Variants in EI24 observed in about 807,000 individuals in gnomAD.
The protein encoded by EI24 is EI24 autophagy associated transmembrane protein.
Under a neutral mutation model 48.6 loss-of-function variants are expected in EI24, and 21 were observed. The observed-to-expected ratio is 0.43, with a 90% CI of 0.31 to 0.62. The LOEUF is 0.62. Among genes scored for constraint, EI24 ranks in the 20% least tolerant of loss-of-function variants. EI24 has a pLI of 0.10. For missense variants in EI24, 280 were observed against 410.5 expected (o/e 0.68, Z 2.75); for synonymous variants, 114 against 145.5 (o/e 0.78, Z 1.56).
At chr11:125,575,124 G>GA (rs1195718990) in intron 2 of EI24, 139 bp from the exon 3 acceptor site, 4 of 664,490 alleles carry the variant, frequency 6.0e-6, no homozygotes, top group Non-Finnish European at 6.9e-6. Flanking sequence ...CTCTTTGGGA[G>GA]GCTGAGGCAG....
At chr11:125,582,510 ATTCTTACTGTAGG>A in intron 10 of EI24, 90 bp downstream of exon 10, 1 of 997,994 alleles carries the variant, frequency 1.0e-6, no homozygotes, top group Non-Finnish European at 1.4e-6. Context: ...AAAAAAAAAA[ATTCTTACTGTAGG>A]AAAATCTTAA....
Position 125,578,207 on chromosome 11 carries a change from G to T in EI24, c.391G>T (p.Val131Leu). 6.2e-7 allele frequency: 1 copy of T among 1,613,916 alleles called. No individual in the cohort carries two copies. The highest frequency in any genetic ancestry group is 1.1e-5 in the South Asian group (1 of 91,082). ...CACGTCAATTTTCAGTGCTCTTTGG[G>T]TGCTCCCCTTGTTTGTGCTTAGCAA... is the stretch of plus-strand genomic sequence containing the variant. ...FLTSIFSALW[V>L]LPLFVLSKVV... Residue 131 changes from valine to leucine, a missense_variant, in exon 6 of 11, where the codon GTG becomes TTG. Coordinates refer to ENST00000278903, the MANE Select transcript of EI24 (RefSeq NM_004879.5).
chr11:125,578,810 C>A, intron 6 of EI24, 139 bp from the exon 7 acceptor site: 1 of 1,035,092 alleles, frequency 9.7e-7, no homozygotes, highest in Non-Finnish European at 1.4e-6. Flanking sequence ...GGACTATAGG[C>A]ACATGCCATC....
chr11:125,575,328 G>C lies in EI24; in HGVS notation c.108G>C (p.Lys36Asn), dbSNP rs1290620281. 1.9e-6 allele frequency: 3 copies of C among 1,572,082 alleles called. No individual in the cohort carries two copies. Among genetic ancestry groups the C allele is most frequent in the East Asian group, 2.3e-5 (1 of 42,604 alleles). The change falls in exon 3 of 11, where the codon AAG becomes AAC. Residue 36 changes from lysine to asparagine, a missense_variant. Around this residue, in one of 3 missense-constraint regions of EI24, gnomAD observed 204 missense variants for 294.1 expected, o/e 0.69. Transcript: ENST00000278903. ...AGCTAGATGCTCGAATCCAGCAAAA[G>C]AGAGAGGAGCAGCGTCGAAGAAGGG... ...ISKLDARIQQ[K>N]REEQRRRRAS...
At chr11:125,576,045 C>A in intron 3 of EI24, 1 of 558,632 alleles carries the variant, frequency 1.8e-6, no homozygotes, top group South Asian at 2.1e-5. Context: ...CTACCACGGC[C>A]TCCCAAAGTG....
chr11:125,573,068 A>G (rs1424414714), intron 2 of EI24, among the ~76,000 whole-genome samples: 1 of 151,932 alleles, frequency 6.6e-6, no homozygotes, highest in Non-Finnish European at 1.5e-5. Flanking sequence ...TCATTTATTT[A>G]AAAATTTTTC....
chr11:125,582,253 G>A (rs1802897920), intron 9 of EI24, 93 bp from the exon 10 acceptor site: 4 of 1,184,020 alleles, frequency 3.4e-6, no homozygotes, highest in Non-Finnish European at 3.5e-6. Flanking sequence ...TGTTTACACT[G>A]GAAGCAAAAG....
intron 2 of EI24, 27 bp from the exon 3 acceptor site, chr11:125,575,236 T>A: frequency 6.6e-7 from 1 of 1,513,844 alleles, no homozygotes; most frequent in Non-Finnish European, 8.9e-7. Flanking sequence ...CAAATAATAA[T>A]AATAATAATG....
chr11:125,584,229 C>CAGAA lies in EI24; in HGVS notation c.*547_*548insGAAA, dbSNP rs1939134395. On this transcript the variant is annotated 3_prime_UTR_variant, in exon 11 of 11. Transcript: ENST00000278903. Reference sequence around the variant, plus strand: ...GGTTTTGGTCTCTCTTGCTCCACTGCAAAAAAAAAAAAAAAAAAAAAAAAA... The same window carrying CAGAA: ...GGTTTTGGTCTCTCTTGCTCCACTGCAGAAAAAAAAAAAAAAAAAAAAAAAAAAA... The CAGAA allele has an allele frequency of 2.0e-5, 1 of 49,658 alleles. No homozygotes were observed. Among genetic ancestry groups the CAGAA allele is most frequent in the African/African-American group, 9.7e-5 (1 of 10,310 alleles). The allele number at this position is 49,658 out of a possible 1,614,324, so 3.1% of individuals were successfully genotyped here.
At position 125,578,817 on chromosome 11, in the gene EI24, C is replaced by G. The variant is rs1938865134; in HGVS notation, c.442-132C>G. 9.2e-6 allele frequency: 10 copies of G among 1,081,920 alleles called. No individual in the cohort carries two copies. In the South Asian group the frequency reaches 1.6e-4, roughly 18 times the overall value. 67.0% of individuals were successfully genotyped at this position (1,081,920 alleles called of 1,614,324 possible). A position where few individuals can be genotyped will look rare whatever the true frequency, so the allele number is the denominator to read the frequency against. Reference sequence around the variant, plus strand: ...AGTAGCTGGGACTATAGGCACATGCCATCGTGCCCAGCTTATTTTTAAATA... The same window carrying G: ...AGTAGCTGGGACTATAGGCACATGCGATCGTGCCCAGCTTATTTTTAAATA... On this transcript the variant is annotated intron_variant, in intron 6 of 10. Coordinates refer to ENST00000278903, the MANE Select transcript of EI24 (RefSeq NM_004879.5).
intron 5 of EI24, 82 bp from the exon 6 acceptor site, chr11:125,578,051 A>G (rs1938820673): frequency 6.5e-7 from 1 of 1,536,316 alleles, no homozygotes. Flanking sequence ...GAGACAGAGA[A>G]TAGTCACGAG....
intron 5 of EI24, 53 bp downstream of exon 5, chr11:125,577,623 T>C: frequency 7.0e-7 from 1 of 1,431,688 alleles, no homozygotes; most frequent in South Asian, 1.2e-5. Context: ...GAGATGATGT[T>C]TCAGTCTCCC....
intron 2 of EI24, among the ~76,000 whole-genome samples, chr11:125,574,559 G>A (rs568558380): frequency 2.8e-4 from 43 of 152,270 alleles, no homozygotes; most frequent in Non-Finnish European, 5.6e-4. Context: ...TCTAAAATTC[G>A]TTTTGTCTGA....
At chr11:125,582,956 A>T (rs1939073688) in intron 10 of EI24, among the ~76,000 whole-genome samples, 1 of 152,242 alleles carries the variant, frequency 6.6e-6, no homozygotes, top group African/African-American at 2.4e-5. Flanking sequence ...ACCTTCAGAC[A>T]TAGCTTGAAG....
chr11:125,578,134 T>G lies in EI24; in HGVS notation c.318T>G (p.Gly106=). The change falls in exon 6 of 11, where the codon GGT becomes GGG. Residue 106 remains glycine (G), a splice_region_variant and synonymous_variant. Transcript: ENST00000278903. Reference sequence around the variant, plus strand: ...AGTAACTCGTTTCCTCTTTCTTAGGTGACCCATCACTACATGGAGATGTTT... The same window carrying G: ...AGTAACTCGTTTCCTCTTTCTTAGGGGACCCATCACTACATGGAGATGTTT... ...VLQSVTARII[G]DPSLHGDVWS... 2 of 1,613,102 alleles carry G rather than the reference T, an allele frequency of 1.2e-6. No individual in the cohort carries two copies. Among genetic ancestry groups the G allele is most frequent in the Non-Finnish European group, 1.7e-6 (2 of 1,179,874 alleles).
At chr11:125,571,968 G>A (rs993650064) in intron 1 of EI24, among the ~76,000 whole-genome samples, 2 of 152,186 alleles carry the variant, frequency 1.3e-5, no homozygotes, top group Admixed American at 1.3e-4. Context: ...CGAGGGCTCT[G>A]TATGACTGAA....
rs758140680 is a variant in EI24, at chr11:125,579,079, CCTT to C, written c.561+14_561+16del. The C allele has an allele frequency of 2.6e-6, 4 of 1,555,562 alleles. No individual in the cohort carries two copies. Among genetic ancestry groups the C allele is most frequent in the African/African-American group, 2.7e-5 (2 of 73,382 alleles). ...CTTTTCCTCATTCAGGTGAGACTGACCTTCTGGGCATATGGGCAGCTTTATTAA... is the reference window on the plus strand; with the variant it reads ...CTTTTCCTCATTCAGGTGAGACTGACCTGGGCATATGGGCAGCTTTATTAA... On this transcript the variant is annotated intron_variant, in intron 7 of 10. Coordinates refer to ENST00000278903, the MANE Select transcript of EI24 (RefSeq NM_004879.5).
chr11:125,576,220 T>C (rs372786212), intron 3 of EI24, 35 bp from the exon 4 acceptor site: 42 of 1,594,236 alleles, frequency 2.6e-5, no homozygotes, highest in Admixed American at 5.1e-5. Flanking sequence ...AAATAACTTA[T>C]GCTTTATAAA....
Position 125,583,603 on chromosome 11 carries a change from C to T in EI24, c.943C>T (p.Leu315=). Reference sequence around the variant, plus strand: ...CAAGACAGTCTACCTGCAGTCGGCCCTGAGCAGCTCTACTTCTGCAGAGAA... The same window carrying T: ...CAAGACAGTCTACCTGCAGTCGGCCTTGAGCAGCTCTACTTCTGCAGAGAA... ...FHKTVYLQSA[L]SSSTSAEKFP... The change falls in exon 11 of 11, where the codon CTG becomes TTG. Residue 315 remains leucine, a synonymous_variant. Transcript: ENST00000278903. The T allele has an allele frequency of 6.2e-7, 1 of 1,613,262 alleles. No homozygotes were observed. The highest frequency in any genetic ancestry group is 8.5e-7 in the Non-Finnish European group (1 of 1,179,784).
Sources: allele counts gnomAD v4.1 joint callset (sites outside exome capture counted in the v4.1 genomes callset), GRCh38; gene constraint gnomAD v4.1.1; regional missense constraint gnomAD v4.1.1; transcripts MANE v1.5; gene names NCBI Gene and HGNC (gene_info 2026-07-23, HGNC 2026-07-21).